The following DCLK1 variants were observed in gnomAD, a reference collection of about 807,000 sequenced individuals.
DCLK1 encodes the protein serine/threonine-protein kinase DCLK1.
In DCLK1, 16 loss-of-function variants were observed where a neutral mutation model predicts 86.2. The ratio of observed to expected loss-of-function variants is 0.19; its 90% CI spans 0.13 to 0.28. DCLK1 has a LOEUF of 0.28. DCLK1 is among the 10% of genes least tolerant of loss of function. The pLI, the probability that DCLK1 is intolerant of heterozygous loss-of-function variation, is 1.00. For missense variants in DCLK1, 590 were observed against 940.2 expected, an observed-to-expected ratio of 0.63 and a Z score of 4.87; for synonymous variants, 369 against 370.5, an observed-to-expected ratio of 1.00 and a Z score of 0.05.
At chr13:35,896,779 C>T (rs568135834) in intron 4 of DCLK1, among the ~76,000 whole-genome samples, 4 of 152,140 alleles carry the variant, frequency 2.6e-5, no homozygotes, top group South Asian at 2.1e-4. Flanking sequence ...GGAGAGACAA[C>T]TCCACCCTCA....
intron 11 of DCLK1, among the ~76,000 whole-genome samples, chr13:35,816,342 T>C (rs2087266183): frequency 1.3e-5 from 2 of 152,176 alleles, no homozygotes; most frequent in African/African-American, 2.4e-5. Flanking sequence ...CTTTCTCTCC[T>C]TCCTATCCTT....
chr13:36,098,465 G>T (rs1885088616), intron 3 of DCLK1, among the ~76,000 whole-genome samples: 1 of 152,124 alleles, frequency 6.6e-6, no homozygotes, highest in Admixed American at 6.5e-5. Context: ...TTTACAGTGG[G>T]GTCATTCACA....
chr13:36,060,845 G>A (rs1212376460), intron 3 of DCLK1, among the ~76,000 whole-genome samples: 1 of 152,120 alleles, frequency 6.6e-6, no homozygotes, highest in African/African-American at 2.4e-5. Flanking sequence ...AAGACCCATA[G>A]AGTATTTATT....
intron 3 of DCLK1, among the ~76,000 whole-genome samples, chr13:36,019,881 G>A (rs559819210): frequency 2.6e-4 from 40 of 152,274 alleles, no homozygotes; most frequent in African/African-American, 9.6e-4. Context: ...GTTTAGCCTT[G>A]CAAAGTCTCA....
chr13:35,951,566 C>T (rs1437238862), intron 3 of DCLK1, among the ~76,000 whole-genome samples: 3 of 151,508 alleles, frequency 2.0e-5, no homozygotes, highest in Non-Finnish European at 2.9e-5. Flanking sequence ...TGAACCTCTA[C>T]CCATTGATCA....
chr13:36,000,523 AAAT>A (rs1880665693), intron 3 of DCLK1, among the ~76,000 whole-genome samples: 2 of 151,978 alleles, frequency 1.3e-5, no homozygotes, highest in Non-Finnish European at 2.9e-5. Context: ...TTAATATCTA[AAAT>A]AATATTATTA....
At chr13:36,106,630 T>C (rs1258591137) in intron 3 of DCLK1, among the ~76,000 whole-genome samples, 3 of 152,218 alleles carry the variant, frequency 2.0e-5, no homozygotes, top group African/African-American at 4.8e-5. Context: ...GGTTTTAATA[T>C]GCTTGCAGAA....
At chr13:35,842,119 A>C (rs933839672) in intron 6 of DCLK1, among the ~76,000 whole-genome samples, 11 of 149,602 alleles carry the variant, frequency 7.4e-5, no homozygotes, top group African/African-American at 2.0e-4. Context: ...GTCCCAGCTA[A>C]TCGGGAGGCT....
chr13:35,881,002 G>C (rs1296452047), intron 4 of DCLK1, among the ~76,000 whole-genome samples: 6 of 152,120 alleles, frequency 3.9e-5, no homozygotes, highest in Non-Finnish European at 8.8e-5. Flanking sequence ...AGTCTTTACT[G>C]ATGTCTGATC....
At chr13:36,082,031 T>C (rs1884438142) in intron 3 of DCLK1, among the ~76,000 whole-genome samples, 1 of 152,218 alleles carries the variant, frequency 6.6e-6, no homozygotes, top group Non-Finnish European at 1.5e-5. Flanking sequence ...CCAGCCTTGC[T>C]ATTTTAGCAA....
intron 3 of DCLK1, among the ~76,000 whole-genome samples, chr13:35,994,567 G>A (rs1302695847): frequency 6.6e-6 from 1 of 152,114 alleles, no homozygotes; most frequent in Non-Finnish European, 1.5e-5. Flanking sequence ...TAAAAAAAAG[G>A]CAGCCAACTG....
At chr13:35,945,614 C>T (rs967593182) in intron 4 of DCLK1, among the ~76,000 whole-genome samples, 2 of 152,212 alleles carry the variant, frequency 1.3e-5, no homozygotes, top group Admixed American at 6.5e-5. Context: ...CATTCTATCA[C>T]AAGCAGCTAT....
At chr13:35,943,414 G>T (rs1044994508) in intron 4 of DCLK1, among the ~76,000 whole-genome samples, 1 of 152,174 alleles carries the variant, frequency 6.6e-6, no homozygotes, top group Non-Finnish European at 1.5e-5. Context: ...GTGGTACTTT[G>T]TTATAGCAGC....
chr13:36,017,243 T>C (rs1342346752), intron 3 of DCLK1, among the ~76,000 whole-genome samples: 2 of 152,206 alleles, frequency 1.3e-5, no homozygotes, highest in Non-Finnish European at 2.9e-5. Flanking sequence ...GTTCGTGGAA[T>C]AATTATTTTC....
At chr13:35,860,281 C>T (rs898067887) in intron 5 of DCLK1, among the ~76,000 whole-genome samples, 2 of 149,974 alleles carry the variant, frequency 1.3e-5, no homozygotes, top group Admixed American at 6.6e-5. Context: ...TTGTTCCTTG[C>T]TTGCCACATT....
intron 3 of DCLK1, among the ~76,000 whole-genome samples, chr13:35,997,003 A>C: frequency 6.6e-6 from 1 of 152,198 alleles, no homozygotes; most frequent in East Asian, 1.9e-4. Context: ...ACTTCCCTAC[A>C]TCTGCATGCA....
rs181818873 is a variant in DCLK1, at chr13:35,895,130, G to A, written c.824-23790C>T. Among the ~76,000 whole-genome samples, 443 of 152,194 alleles carry A rather than the reference G, an allele frequency of 2.9e-3. 1 individual carries two copies. Among genetic ancestry groups the A allele is most frequent in the Admixed American group, 5.2e-3 (80 of 15,284 alleles). On this transcript the variant is annotated intron_variant, in intron 4 of 16. Coordinates refer to ENST00000360631, the MANE Select transcript of DCLK1 (RefSeq NM_001330071.2). ...TAAGTTTCAAAATTTTTTTGTAGAG[G>A]TGGAATGTTGCCATGTTGTTCAGGC... is the stretch of plus-strand genomic sequence containing the variant.
At chr13:35,862,365 G>A (rs558677503) in intron 5 of DCLK1, among the ~76,000 whole-genome samples, 2 of 152,202 alleles carry the variant, frequency 1.3e-5, no homozygotes, top group East Asian at 3.9e-4. Flanking sequence ...CTCACATCCA[G>A]TTAAATTTCT....
chr13:35,999,959 G>A (rs1180877951), intron 3 of DCLK1, among the ~76,000 whole-genome samples: 1 of 152,290 alleles, frequency 6.6e-6, no homozygotes, highest in South Asian at 2.1e-4. Flanking sequence ...GGAGCAAAAC[G>A]TTTGCATCTG....
Sources: gnomAD v4.1 joint callset for allele counts (sites outside exome capture counted in the v4.1 genomes callset) on GRCh38, gnomAD v4.1.1 for gene constraint, MANE v1.5 for transcripts, NCBI Gene and HGNC (gene_info 2026-07-23, HGNC 2026-07-21) for gene names.